Variants in SCAF11 observed in about 807,000 individuals in gnomAD.
SCAF11 encodes SR-related CTD associated factor 11.
SCAF11 carries 47 observed loss-of-function variants against 140.5 expected under a neutral mutation model. The observed-to-expected ratio is 0.33, with a 90% confidence interval of 0.26 to 0.43. The LOEUF (loss-of-function observed/expected upper bound fraction) is 0.43. Ranked by LOEUF, SCAF11 falls within the 20% of genes least tolerant of loss-of-function variation. The probability of loss-of-function intolerance (pLI) is 1.00; values close to 1 mark genes in which losing one functional copy is unlikely to be tolerated. For missense variants in SCAF11, 1,645 were observed against 1,705.1 expected, an observed-to-expected ratio of 0.96 and a Z score of 0.62; for synonymous variants, 557 against 579.4, an observed-to-expected ratio of 0.96 and a Z score of 0.55.
chr12:45,951,495 A>T (rs2136577304), intron 4 of SCAF11, among the ~76,000 whole-genome samples, 155 bp downstream of exon 4: 1 of 152,308 alleles, frequency 6.6e-6, no homozygotes, highest in East Asian at 1.9e-4. Context: ...TAAGTATATT[A>T]GTTGAAAGGT....
chr12:45,925,044 T>C lies in SCAF11; in HGVS notation c.3590A>G (p.Gln1197Arg). 2 of 1,613,350 alleles carry C rather than the reference T, an allele frequency of 1.2e-6. No individual in the cohort carries two copies. The highest frequency in any genetic ancestry group is 1.7e-6 in the Non-Finnish European group (2 of 1,179,258). ...DSSLKDQTNQQVDGSQLPINM... is the reference protein window; with the variant it reads ...DSSLKDQTNQRVDGSQLPINM... ...TATAGGTAGCTGAGAACCATCAACTTGCTGGTTTGTTTGGTCTTTTAGGCT... is the reference window on the plus strand; with the variant it reads ...TATAGGTAGCTGAGAACCATCAACTCGCTGGTTTGTTTGGTCTTTTAGGCT... The change falls in exon 12 of 15, where the codon CAA becomes CGA. Residue 1197 changes from glutamine to arginine, a missense_variant. Physicochemically the swap from Gln to Arg is conservative, Grantham distance 43. Transcript: ENST00000369367.
intron 3 of SCAF11, chr12:45,961,130 A>G (rs1416408139): frequency 5.5e-6 from 3 of 540,554 alleles, no homozygotes; most frequent in Non-Finnish European, 1.0e-5. Flanking sequence ...AGTCCACACT[A>G]AATTAAAAAC....
intron 1 of SCAF11, among the ~76,000 whole-genome samples, chr12:45,980,389 GTTAT>G (rs1344694752): frequency 6.6e-6 from 1 of 152,150 alleles, no homozygotes; most frequent in Admixed American, 6.5e-5. Flanking sequence ...CATAGCACAT[GTTAT>G]TTGTCAGGCA....
intron 1 of SCAF11, among the ~76,000 whole-genome samples, chr12:45,976,280 T>G (rs530094371): frequency 6.6e-6 from 1 of 152,196 alleles, no homozygotes. Flanking sequence ...CAACGTCTTG[T>G]GTCGTTCCAC....
At chr12:45,939,428 G>C (rs1437426708) in intron 6 of SCAF11, among the ~76,000 whole-genome samples, 2 of 152,174 alleles carry the variant, frequency 1.3e-5, no homozygotes, top group Non-Finnish European at 2.9e-5. Flanking sequence ...AGGTGCAGTG[G>C]TTCACGCCTG....
At chr12:45,977,389 A>G (rs1278524232) in intron 1 of SCAF11, among the ~76,000 whole-genome samples, 6 of 152,052 alleles carry the variant, frequency 3.9e-5, no homozygotes, top group African/African-American at 1.4e-4. Flanking sequence ...ATGCAAACCT[A>G]TAGTGATGAA....
intron 1 of SCAF11, among the ~76,000 whole-genome samples, chr12:45,989,985 C>T (rs555094426): frequency 6.6e-5 from 10 of 152,054 alleles, no homozygotes; most frequent in South Asian, 4.2e-4. Context: ...TCCCCCCCCC[C>T]CGTAGGACCC....
intron 1 of SCAF11, among the ~76,000 whole-genome samples, chr12:45,981,505 T>C (rs564071036): frequency 6.6e-6 from 1 of 152,334 alleles, no homozygotes; most frequent in Admixed American, 6.5e-5. Flanking sequence ...AACCGAAACA[T>C]CATTCTCCCA....
In SCAF11 at chr12:45,965,375, A is replaced by G. The variant is rs1945921422; in HGVS notation, c.-21-1187T>C. Among the ~76,000 whole-genome samples the G allele has an allele frequency of 2.0e-5, 3 of 152,266 alleles. No individual in the cohort carries two copies. The South Asian group carries it at 6.2e-4, about 32-fold the overall frequency. ...AGTGAAGGAGACAATATCCTGGCCTAAAAGACTAGGAAAATGGTGCTTATA... is the reference window on the plus strand; with the variant it reads ...AGTGAAGGAGACAATATCCTGGCCTGAAAGACTAGGAAAATGGTGCTTATA... On this transcript the variant is annotated intron_variant, in intron 1 of 14. Transcript: ENST00000369367.
intron 4 of SCAF11, 33 bp from the exon 5 acceptor site, chr12:45,948,570 A>C: frequency 7.8e-7 from 1 of 1,283,904 alleles, no homozygotes; most frequent in Non-Finnish European, 1.1e-6. Flanking sequence ...TTAGAGCAAC[A>C]ATCCAGCCTT....
intron 1 of SCAF11, among the ~76,000 whole-genome samples, chr12:45,970,667 T>G (rs990812403): frequency 1.3e-5 from 2 of 152,234 alleles, no homozygotes; most frequent in Non-Finnish European, 2.9e-5. Context: ...TCTAGGAATC[T>G]TTCATATTCA....
chr12:45,955,134 G>A (rs1945654685), intron 3 of SCAF11: 2 of 151,964 alleles, frequency 1.3e-5, no homozygotes, highest in South Asian at 2.1e-4. Context: ...CAAAAAATAA[G>A]TTAATTTTCT....
At chr12:45,925,288 C>G (rs898873578) in intron 11 of SCAF11, among the ~76,000 whole-genome samples, 6 of 152,168 alleles carry the variant, frequency 3.9e-5, no homozygotes, top group Admixed American at 2.6e-4. Context: ...CACGGTGGCT[C>G]AAGCCTGTAA....
chr12:45,964,406 G>A (rs978641216), intron 1 of SCAF11, among the ~76,000 whole-genome samples: 2 of 152,144 alleles, frequency 1.3e-5, no homozygotes, highest in East Asian at 1.9e-4. Flanking sequence ...GGTGGCTCAC[G>A]CCTGTAATCC....
In SCAF11 at chr12:45,927,750, T is replaced by A; in HGVS notation, c.1951A>T (p.Thr651Ser). 1 of 1,612,862 alleles carries A rather than the reference T, an allele frequency of 6.2e-7. No homozygotes were observed. The highest frequency in any genetic ancestry group is 2.2e-5 in the East Asian group (1 of 44,866). Residue 651 changes from threonine (T) to serine (S), a missense_variant, in exon 11 of 15, where the codon ACT becomes TCT. Transcript: ENST00000369367. ...EDVEIIATCD[T>S]FGNEDFNNIQ... ...TTATTGAAATCTTCATTCCCAAAAG[T>A]ATCACATGTTGCAATTATTTCTACA...
In SCAF11 at chr12:45,924,740, T is replaced by G. The variant is rs746625362; in HGVS notation, c.3894A>C (p.Gly1298=). The change falls in exon 12 of 15, where the codon GGA becomes GGC. Residue 1298 remains glycine (G), a synonymous_variant. Coordinates refer to ENST00000369367, the MANE Select transcript of SCAF11 (RefSeq NM_004719.3). ...QVNYIASQPD[G]KQLQGIPSSS... is the part of the protein sequence containing the mutation. Reference sequence around the variant, plus strand: ...GCTAAAAACATACCTGCAATTGCTTTCCATCTGGTTGTGAAGCAATGTAGT... The same window carrying G: ...GCTAAAAACATACCTGCAATTGCTTGCCATCTGGTTGTGAAGCAATGTAGT... The G allele has an allele frequency of 1.3e-5, 20 of 1,597,742 alleles. No homozygotes were observed. The highest frequency in any genetic ancestry group is 1.7e-6 in the Non-Finnish European group (2 of 1,168,388).
intron 12 of SCAF11, 30 bp from the exon 13 acceptor site, chr12:45,923,184 A>G: frequency 6.4e-7 from 1 of 1,571,732 alleles, no homozygotes; most frequent in Non-Finnish European, 8.8e-7. Context: ...TCAGTTAATG[A>G]ATTACTTGTA....
intron 4 of SCAF11, among the ~76,000 whole-genome samples, chr12:45,951,106 C>T (rs1945539005): frequency 6.6e-6 from 1 of 152,100 alleles, no homozygotes; most frequent in Non-Finnish European, 1.5e-5. Flanking sequence ...TGGCTCACAA[C>T]AGTAAGTAAC....
chr12:45,930,021 A>T (rs1300431872), intron 10 of SCAF11: 1 of 152,240 alleles, frequency 6.6e-6, no homozygotes, highest in Non-Finnish European at 1.5e-5. Flanking sequence ...TATGTGTTAC[A>T]TACTGTATTC....
Sources: allele counts gnomAD v4.1 joint callset (sites outside exome capture counted in the v4.1 genomes callset), GRCh38; gene constraint gnomAD v4.1.1; transcripts MANE v1.5; gene names NCBI Gene and HGNC (gene_info 2026-07-23, HGNC 2026-07-21).